The following ARFGEF2 variants were observed in gnomAD, a reference collection of about 807,000 sequenced individuals.
ARFGEF2 encodes the protein ARF guanine nucleotide exchange factor 2.
ARFGEF2 carries 74 observed loss-of-function variants against 219.9 expected under a neutral mutation model. The ratio of observed to expected loss-of-function variants is 0.34; its 90% confidence interval spans 0.28 to 0.41. The LOEUF is 0.41. Among genes scored for constraint, ARFGEF2 ranks in the 10% least tolerant of loss-of-function variants. The pLI, the probability that ARFGEF2 is intolerant of heterozygous loss-of-function variation, is 1.00. For synonymous variants in ARFGEF2, 733 were observed against 799.2 expected, an observed-to-expected ratio of 0.92 and a Z score of 1.40; for missense variants, 1,743 against 2,218.3, an observed-to-expected ratio of 0.79 and a Z score of 4.30.
chr20:48,950,811 A>AATATATATATAT (rs71184245), intron 3 of ARFGEF2, among the ~76,000 whole-genome samples: 7 of 64,500 alleles, frequency 1.1e-4, no homozygotes, highest in African/African-American at 2.2e-4. Context: ...AAAAAAAAAA[A>AATATATATATAT]ATATATATAT....
At chr20:49,005,607 G>A (rs183103213) in intron 26 of ARFGEF2, among the ~76,000 whole-genome samples, 75 of 151,798 alleles carry the variant, frequency 4.9e-4, no homozygotes, top group African/African-American at 1.8e-3. Context: ...GCATGGTGGC[G>A]GGCGCCTATA....
At position 48,935,351 on chromosome 20, in the gene ARFGEF2, C is replaced by T. The variant is rs557544422; in HGVS notation, c.122-5848C>T. On this transcript the variant is annotated intron_variant, in intron 1 of 38. Transcript: ENST00000371917. ...TTAACAAAGCACATCTTGCACCGCCCTTAATCCATTCAACCCTGAGTGGAT... is the reference window on the plus strand; with the variant it reads ...TTAACAAAGCACATCTTGCACCGCCTTTAATCCATTCAACCCTGAGTGGAT... Among the ~76,000 whole-genome samples the T allele has an allele frequency of 2.6e-5, 4 of 152,204 alleles. No individual in the cohort carries two copies. The South Asian group carries it at 8.3e-4, about 32-fold the overall frequency.
At chr20:48,937,345 C>T (rs1212317886) in intron 1 of ARFGEF2, among the ~76,000 whole-genome samples, 1 of 152,214 alleles carries the variant, frequency 6.6e-6, no homozygotes, top group South Asian at 2.1e-4. Flanking sequence ...ACAAAGATGC[C>T]GTTATCATCT....
rs116550473 is a variant in ARFGEF2 at position 48,972,412 on chromosome 20, G to A, written c.1512G>A (p.Thr504=). The A allele has an allele frequency of 6.8e-4, 1,105 of 1,613,450 alleles. 5 individuals are homozygous for A. The African/African-American group carries it at 0.012, about 18-fold the overall frequency. Residue 504 remains threonine, a synonymous_variant, in exon 11 of 39, where the codon ACG becomes ACA. Coordinates refer to ENST00000371917, the MANE Select transcript of ARFGEF2 (RefSeq NM_006420.3). The part of the protein sequence containing the change: ...EHRWMVIQTL[T]RICADAQCVV... ...GGTGGATGGTCATTCAGACTCTGAC[G>A]AGGATCTGTGCAGGTATTTCCACCT...
At chr20:49,010,190 C>A in intron 26 of ARFGEF2, 42 bp from the exon 27 acceptor site, 2 of 1,595,462 alleles carry the variant, frequency 1.3e-6, no homozygotes, top group Non-Finnish European at 1.7e-6. Context: ...TCTTCCCATT[C>A]TCCAAAGTAC....
chr20:48,941,588 G>A (rs937842218), intron 2 of ARFGEF2, among the ~76,000 whole-genome samples: 6 of 152,182 alleles, frequency 3.9e-5, no homozygotes, highest in Non-Finnish European at 7.3e-5. Flanking sequence ...AGTAAGGAAG[G>A]CCGTTAGTCA....
intron 3 of ARFGEF2, 30 bp from the exon 4 acceptor site, chr20:48,951,293 A>C: frequency 6.2e-7 from 1 of 1,613,324 alleles, no homozygotes. Flanking sequence ...CCAAGCAGAA[A>C]TGTATAATCT....
rs1430999905 is a variant in ARFGEF2 at position 49,016,313 on chromosome 20, G to T, written c.4213G>T (p.Ala1405Ser). 6.2e-7 allele frequency: 1 copy of T among 1,613,806 alleles called. No individual in the cohort carries two copies. Among genetic ancestry groups the T allele is most frequent in the African/African-American group, 1.3e-5 (1 of 74,912 alleles). Residue 1405 changes from alanine to serine, a missense_variant, in exon 31 of 39, where the codon GCA becomes TCA. Ala to Ser is a moderately conservative substitution (Grantham distance 99). Transcript: ENST00000371917. ...GTGGATGACAACAACCTGCAATCAC[G>T]CACTTTATGCTATTTGTGATGTTTT... ...SEWMTTTCNH[A>S]LYAICDVFTQ...
intron 1 of ARFGEF2, among the ~76,000 whole-genome samples, chr20:48,938,829 C>A (rs969353874): frequency 1.3e-5 from 2 of 152,170 alleles, no homozygotes; most frequent in Admixed American, 1.3e-4. Flanking sequence ...AGCTGCCGCA[C>A]CCCTTCCTGT....
intron 1 of ARFGEF2, among the ~76,000 whole-genome samples, chr20:48,934,939 C>T (rs780484402): frequency 2.0e-4 from 31 of 152,106 alleles, no homozygotes; most frequent in Non-Finnish European, 4.0e-4. Flanking sequence ...CACTGTCTTC[C>T]ACAATGGTTG....
At chr20:48,960,204 G>T (rs1243694591) in intron 6 of ARFGEF2, among the ~76,000 whole-genome samples, 1 of 152,208 alleles carries the variant, frequency 6.6e-6, no homozygotes, top group Admixed American at 6.5e-5. Context: ...TTGCTCCTAG[G>T]CTATAAACCT....
intron 1 of ARFGEF2, among the ~76,000 whole-genome samples, chr20:48,936,844 A>AGG (rs1475589956): frequency 6.6e-6 from 1 of 151,930 alleles, no homozygotes; most frequent in Admixed American, 6.6e-5. Context: ...ACGTTTCTCT[A>AGG]ATGACCAGAG....
intron 20 of ARFGEF2, 102 bp downstream of exon 20, chr20:48,989,786 C>T: frequency 6.5e-7 from 1 of 1,541,868 alleles, no homozygotes; most frequent in Non-Finnish European, 8.8e-7. Context: ...AATCAAGACT[C>T]TTAGCAAGCT....
At chr20:48,991,228 A>G (rs1329267777) in intron 21 of ARFGEF2, 30 bp downstream of exon 21, 5 of 1,611,134 alleles carry the variant, frequency 3.1e-6, no homozygotes, top group Non-Finnish European at 4.2e-6. Context: ...GCCTTTTCTC[A>G]GTTAGGATGA....
intron 35 of ARFGEF2, among the ~76,000 whole-genome samples, chr20:49,024,851 C>T (rs2091592171): frequency 6.6e-6 from 1 of 152,126 alleles, no homozygotes; most frequent in South Asian, 2.1e-4. Flanking sequence ...CAAAAATGAG[C>T]TGGGCATGGT....
intron 25 of ARFGEF2, among the ~76,000 whole-genome samples, chr20:49,000,394 A>G (rs112839286): frequency 0.011 from 1,614 of 152,334 alleles, 24 homozygotes; most frequent in African/African-American, 0.036. Flanking sequence ...AGCATGTCAT[A>G]TATCAGGGTT....
rs1568716295 is a variant in ARFGEF2, at chr20:48,976,055, A to G, written c.1814A>G (p.Lys605Arg). The stretch of plus-strand genomic sequence containing the variant: ...ACGGATCAGGAAATAGGGGATGGGA[A>G]AGGCCTTGACATGGCAAGACGGTGT... ...RLTDQEIGDGKGLDMARRCSV... is the reference protein window; with the variant it reads ...RLTDQEIGDGRGLDMARRCSV... Residue 605 changes from lysine (K) to arginine (R), a missense_variant, in exon 14 of 39, where the codon AAA becomes AGA. By Grantham distance (26) the Lys-to-Arg change is conservative. Around this residue, in one of 5 missense-constraint regions of ARFGEF2, gnomAD observed 666 missense variants for 955.4 expected, o/e 0.70. Transcript: ENST00000371917. 5 of 1,612,770 alleles carry G rather than the reference A, an allele frequency of 3.1e-6. No individual in the cohort carries two copies. The East Asian group carries it at 8.9e-5, about 29-fold the overall frequency.
chr20:48,943,203 C>G (rs2091004999), intron 3 of ARFGEF2, among the ~76,000 whole-genome samples: 1 of 152,086 alleles, frequency 6.6e-6, no homozygotes, highest in Non-Finnish European at 1.5e-5. Context: ...CTTGTTTGAC[C>G]TCAGGAACAT....
chr20:49,016,301 AC>A lies in ARFGEF2; in HGVS notation c.4203del (p.Cys1402AlafsTer19). 1 of 1,614,038 alleles carries A rather than the reference AC, an allele frequency of 6.2e-7. No individual in the cohort carries two copies. The highest frequency in any genetic ancestry group is 8.5e-7 in the Non-Finnish European group (1 of 1,179,968). ...CCAGAAATCTGAGTGGATGACAACA[AC>A]CTGCAATCACGCACTTTATGCTATT... ...LSEKSEWMTTTCNHALYAICD... is the reference protein window; with the variant it reads ...LSEKSEWMTTXCNHALYAICD... On this transcript the variant is annotated frameshift_variant, in exon 31 of 39. Transcript: ENST00000371917. LOFTEE classifies it high-confidence loss of function.
Sources: allele counts gnomAD v4.1 joint callset (sites outside exome capture counted in the v4.1 genomes callset), GRCh38; gene constraint gnomAD v4.1.1; regional missense constraint gnomAD v4.1.1; transcripts MANE v1.5; gene names NCBI Gene and HGNC (gene_info 2026-07-23, HGNC 2026-07-21).